The following NELL2 variants were observed in gnomAD, a reference collection of about 807,000 sequenced individuals.
NELL2 encodes protein kinase C-binding protein NELL2.
In NELL2, 41 loss-of-function variants were observed where a neutral mutation model predicts 109.6. The ratio of observed to expected loss-of-function variants is 0.37; its 90% CI spans 0.29 to 0.49. NELL2 has a LOEUF of 0.49. Among genes scored for constraint, NELL2 ranks in the 20% least tolerant of loss-of-function variants. The pLI is 0.98. For synonymous variants in NELL2, 355 were observed against 344.7 expected, an observed-to-expected ratio of 1.03 and a Z score of -0.33; for missense variants, 900 against 1,008.3, an observed-to-expected ratio of 0.89 and a Z score of 1.45.
intron 9 of NELL2, among the ~76,000 whole-genome samples, chr12:44,760,308 T>A (rs895387794): frequency 1.3e-5 from 2 of 152,044 alleles, no homozygotes; most frequent in African/African-American, 4.8e-5. Flanking sequence ...ACAGAAAAAA[T>A]TTTATGGTGT....
At chr12:44,643,898 G>A (rs995074952) in intron 13 of NELL2, among the ~76,000 whole-genome samples, 2 of 152,102 alleles carry the variant, frequency 1.3e-5, no homozygotes, top group Non-Finnish European at 2.9e-5. Context: ...ATACTTAAAA[G>A]ACCTTAAACA....
chr12:44,811,984 C>T (rs752276603), intron 3 of NELL2, among the ~76,000 whole-genome samples: 1 of 151,948 alleles, frequency 6.6e-6, no homozygotes, highest in Non-Finnish European at 1.5e-5. Context: ...ACCCCATCTT[C>T]CCCCCAAAAA....
intron 15 of NELL2, among the ~76,000 whole-genome samples, chr12:44,560,674 T>C (rs1349720150): frequency 2.0e-5 from 3 of 152,126 alleles, no homozygotes; most frequent in Non-Finnish European, 4.4e-5. Flanking sequence ...GGTCTGAAAT[T>C]GACGTAGTAA....
intron 9 of NELL2, among the ~76,000 whole-genome samples, chr12:44,740,403 C>T (rs1939890545): frequency 6.6e-6 from 1 of 152,196 alleles, no homozygotes; most frequent in Non-Finnish European, 1.5e-5. Flanking sequence ...CCCTGGCATA[C>T]CTTTCTCTGT....
intron 11 of NELL2, 47 bp from the exon 12 acceptor site, chr12:44,703,901 A>C (rs1566198553): frequency 3.9e-6 from 6 of 1,529,076 alleles, no homozygotes; most frequent in Non-Finnish European, 5.3e-6. Flanking sequence ...AACTATGACA[A>C]TGCAAATTTT....
At chr12:44,901,045 G>C (rs1945654300) in intron 1 of NELL2, among the ~76,000 whole-genome samples, 1 of 151,878 alleles carries the variant, frequency 6.6e-6, no homozygotes, top group Non-Finnish European at 1.5e-5. Flanking sequence ...AAATAACTAA[G>C]ATCAGAGCAG....
chr12:44,537,848 G>A (rs1942365465), intron 15 of NELL2, among the ~76,000 whole-genome samples: 1 of 151,996 alleles, frequency 6.6e-6, no homozygotes, highest in African/African-American at 2.4e-5. Context: ...ATAAAATATT[G>A]TCTAAAATTT....
intron 14 of NELL2, among the ~76,000 whole-genome samples, chr12:44,608,657 T>A (rs1324199533): frequency 1.3e-5 from 2 of 151,900 alleles, no homozygotes; most frequent in Non-Finnish European, 1.5e-5. Flanking sequence ...AGCTCTTTAT[T>A]CTATGAACTT....
At chr12:44,719,080 C>CA (rs964443837) in intron 9 of NELL2, among the ~76,000 whole-genome samples, 20 of 151,920 alleles carry the variant, frequency 1.3e-4, no homozygotes, top group African/African-American at 4.8e-4. Context: ...TGATGGAATC[C>CA]AAAAAAATCA....
intron 2 of NELL2, among the ~76,000 whole-genome samples, chr12:44,847,890 G>T (rs969022557): frequency 6.6e-6 from 1 of 151,806 alleles, no homozygotes; most frequent in Admixed American, 6.6e-5. Context: ...AAATTAGCTG[G>T]GTGTGGTGTT....
rs1035979065 is a variant in NELL2 at position 44,908,250 on chromosome 12, G to T, written c.38+5549C>A. On this transcript the variant is annotated intron_variant, in intron 1 of 20. Coordinates refer to the NELL2 transcript ENST00000333837. The stretch of plus-strand genomic sequence containing the variant: ...GGTATAGATAAGAAATAGAAGAGTT[G>T]TATTTAACCAATCTTATGATTTCAT... Among the ~76,000 whole-genome samples, 9 of 151,930 alleles carry T rather than the reference G, an allele frequency of 5.9e-5. 1 individual carries two copies. Among genetic ancestry groups the T allele is most frequent in the Non-Finnish European group, 8.8e-5 (6 of 67,936 alleles).
chr12:44,847,567 G>GGGAA (rs112281788), intron 2 of NELL2, among the ~76,000 whole-genome samples: 1 of 142,948 alleles, frequency 7.0e-6, no homozygotes, highest in African/African-American at 2.6e-5. Flanking sequence ...AGAAATGGGG[G>GGGAA]AAAAAAAAAA....
In NELL2 at chr12:44,838,776, C is replaced by T. The variant is rs181827461; in HGVS notation, c.185-22640G>A. Reference sequence around the variant, plus strand: ...TCTTCTAGCAGAACTAGAATACTGACATTTTTATTATATTATGAGTACAGA... The same window carrying T: ...TCTTCTAGCAGAACTAGAATACTGATATTTTTATTATATTATGAGTACAGA... On this transcript the variant is annotated intron_variant, in intron 2 of 19. Transcript: ENST00000429094. Among the ~76,000 whole-genome samples the T allele has an allele frequency of 4.9e-3, 740 of 152,116 alleles. 6 individuals carry two copies. The highest frequency in any genetic ancestry group is 0.017 in the African/African-American group (697 of 41,468).
At chr12:44,681,589 C>G (rs2136371871) in intron 12 of NELL2, among the ~76,000 whole-genome samples, 1 of 152,096 alleles carries the variant, frequency 6.6e-6, no homozygotes, top group African/African-American at 2.4e-5. Context: ...CACAACAGTC[C>G]CCAGACTGTG....
chr12:44,896,482 G>A (rs1422611601), intron 1 of NELL2, among the ~76,000 whole-genome samples: 3 of 152,126 alleles, frequency 2.0e-5, no homozygotes, highest in African/African-American at 4.8e-5. Context: ...TTCCGTGACC[G>A]AGGTGTACAC....
chr12:44,769,800 T>A (rs1461300479), intron 9 of NELL2, among the ~76,000 whole-genome samples: 1 of 152,096 alleles, frequency 6.6e-6, no homozygotes, highest in Admixed American at 6.6e-5. Context: ...GCAGTGGACG[T>A]CAAAATGATA....
At chr12:44,561,330 G>T (rs1399022054) in intron 15 of NELL2, among the ~76,000 whole-genome samples, 2 of 152,156 alleles carry the variant, frequency 1.3e-5, no homozygotes, top group African/African-American at 4.8e-5. Flanking sequence ...TCTGGACAGG[G>T]TAATCAGGCA....
chr12:44,619,797 C>A (rs1465881657), intron 13 of NELL2, among the ~76,000 whole-genome samples: 2 of 152,268 alleles, frequency 1.3e-5, no homozygotes, highest in Admixed American at 6.5e-5. Context: ...GGGAAGTTTA[C>A]AACAAAATCA....
At chr12:44,872,496 A>G (rs1945192014) in intron 2 of NELL2, among the ~76,000 whole-genome samples, 1 of 152,202 alleles carries the variant, frequency 6.6e-6, no homozygotes, top group Non-Finnish European at 1.5e-5. Context: ...ATAATAATAA[A>G]TTTACGAGTT....
Sources: allele counts gnomAD v4.1 joint callset (sites outside exome capture counted in the v4.1 genomes callset), GRCh38; gene constraint gnomAD v4.1.1; transcripts MANE v1.5; gene names NCBI Gene and HGNC (gene_info 2026-07-23, HGNC 2026-07-21).